The following WARS2 variants were observed in gnomAD, a reference collection of about 807,000 sequenced individuals.
WARS2 encodes the protein tryptophan--tRNA ligase, mitochondrial.
In WARS2, 28 loss-of-function variants were observed where a neutral mutation model predicts 36.5. The ratio of observed to expected loss-of-function variants is 0.77; its 90% CI spans 0.57 to 1.05. The LOEUF is 1.05. Among genes scored for constraint, WARS2 ranks in the 50% least tolerant of loss-of-function variants. WARS2 has a pLI of 0.00. For synonymous variants in WARS2, 174 were observed against 178.4 expected (o/e 0.98, Z 0.20); for missense variants, 435 against 456.8 (o/e 0.95, Z 0.44).
At chr1:119,066,772 G>T (rs534101713) in intron 2 of WARS2, among the ~76,000 whole-genome samples, 2 of 152,272 alleles carry the variant, frequency 1.3e-5, no homozygotes, top group African/African-American at 4.8e-5. Flanking sequence ...TTGCCGAGGA[G>T]AGTTCCTGTT....
intron 1 of WARS2, 29 bp from the exon 2 acceptor site, chr1:119,076,636 C>T (rs1164140611): frequency 6.2e-7 from 1 of 1,611,772 alleles, no homozygotes; most frequent in South Asian, 1.1e-5. Context: ...AGCATATTTG[C>T]TTTTGAGGCA....
chr1:119,113,149 G>T (rs1654754462), intron 1 of WARS2, among the ~76,000 whole-genome samples: 1 of 152,164 alleles, frequency 6.6e-6, no homozygotes, highest in Non-Finnish European at 1.5e-5. Flanking sequence ...TGGATTTGAA[G>T]CCATTCAAAA....
chr1:119,038,486 C>G (rs976070399), intron 4 of WARS2, among the ~76,000 whole-genome samples: 1 of 152,102 alleles, frequency 6.6e-6, no homozygotes, highest in African/African-American at 2.4e-5. Flanking sequence ...TTCAATGGTC[C>G]TCAATGGCAG....
At chr1:119,089,104 G>C (rs1411813462) in intron 1 of WARS2, among the ~76,000 whole-genome samples, 1 of 152,194 alleles carries the variant, frequency 6.6e-6, no homozygotes, top group African/African-American at 2.4e-5. Flanking sequence ...ACCTTTGAGA[G>C]ACAGTGTGAA....
rs138705769 is a variant in WARS2, at chr1:119,085,148, T to A, written c.91-8541A>T. ...CGTTGTACGGGCTAGAAAGTGTGCC[T>A]GAGCTCCGCCCTCTGTCCTTATCCC... On this transcript the variant is annotated intron_variant, in intron 1 of 5. Coordinates refer to ENST00000235521, the MANE Select transcript of WARS2 (RefSeq NM_015836.4). 4.4e-4 allele frequency: 344 copies of A among 790,250 alleles called. No homozygotes were observed. In the African/African-American group the frequency reaches 5.2e-3, roughly 12 times the overall value. 49.0% of individuals were successfully genotyped at this position (790,250 alleles called of 1,614,324 possible). A position where few individuals can be genotyped will look rare whatever the true frequency, so the allele number is the denominator to read the frequency against.
chr1:119,078,504 C>T (rs1446437217), intron 1 of WARS2, among the ~76,000 whole-genome samples: 2 of 152,100 alleles, frequency 1.3e-5, no homozygotes, highest in Admixed American at 6.5e-5. Flanking sequence ...TTGGTATTAG[C>T]AGTCTTTTTA....
chr1:119,090,523 T>C (rs889297454), intron 1 of WARS2, among the ~76,000 whole-genome samples: 2 of 152,202 alleles, frequency 1.3e-5, no homozygotes, highest in African/African-American at 2.4e-5. Context: ...TTTTTGACTT[T>C]TTGTATTGTT....
intron 2 of WARS2, among the ~76,000 whole-genome samples, chr1:119,050,645 T>G (rs17023171): frequency 0.29 from 44,753 of 151,896 alleles, 7,244 homozygotes; most frequent in African/African-American, 0.43. Context: ...TGAGGTAGAT[T>G]TAAATGAATA....
intron 1 of WARS2, among the ~76,000 whole-genome samples, chr1:119,092,046 G>A (rs183181425): frequency 2.0e-5 from 3 of 152,150 alleles, no homozygotes; most frequent in African/African-American, 7.2e-5. Flanking sequence ...AGAATTCCCC[G>A]TGGTTAGAGC....
intron 2 of WARS2, among the ~76,000 whole-genome samples, chr1:119,075,593 A>G (rs1387485561): frequency 6.6e-6 from 1 of 152,226 alleles, no homozygotes; most frequent in Non-Finnish European, 1.5e-5. Context: ...GCATGTTAAC[A>G]TGTACCATAG....
At chr1:119,091,401 G>A (rs1040419048) in intron 1 of WARS2, among the ~76,000 whole-genome samples, 1 of 152,182 alleles carries the variant, frequency 6.6e-6, no homozygotes, top group Non-Finnish European at 1.5e-5. Context: ...TCCATACCTA[G>A]TAAATAGTGG....
rs1652281519 is a variant in WARS2, at chr1:119,082,577, T to C, written c.91-5970A>G. On this transcript the variant is annotated intron_variant, in intron 1 of 5. Coordinates refer to ENST00000235521, the MANE Select transcript of WARS2 (RefSeq NM_015836.4). ...TCTTGCCACTGGACTCCAAATTCTA[T>C]ATTCCTTCCATCACACTGAACTGAA... 3 of 387,202 alleles carry C rather than the reference T, an allele frequency of 7.7e-6. No individual in the cohort carries two copies. The Admixed American group carries it at 1.9e-4, about 25-fold the overall frequency. 24.0% of individuals were successfully genotyped at this position (387,202 alleles called of 1,614,324 possible).
At chr1:119,138,703 C>A (rs1040878003) in intron 1 of WARS2, among the ~76,000 whole-genome samples, 2 of 152,058 alleles carry the variant, frequency 1.3e-5, no homozygotes, top group African/African-American at 4.8e-5. Context: ...ATTAATCTTT[C>A]AAACCATCAT....
At chr1:119,130,721 G>A (rs10923755) in intron 1 of WARS2, among the ~76,000 whole-genome samples, 59,879 of 151,888 alleles carry the variant, frequency 0.39, 12,199 homozygotes, top group African/African-American at 0.45. Flanking sequence ...TTTTTTCACT[G>A]AATTCATTCA....
At chr1:119,127,885 G>C (rs587729253) in intron 1 of WARS2, among the ~76,000 whole-genome samples, 73 of 152,050 alleles carry the variant, frequency 4.8e-4, no homozygotes, top group Non-Finnish European at 7.5e-4. Flanking sequence ...AGAAAATTTT[G>C]GTAAGGCCAT....
rs587756755 is a variant in WARS2, at chr1:119,138,339, A to G, written c.90+2216T>C. On this transcript the variant is annotated intron_variant, in intron 1 of 5. Coordinates refer to ENST00000235521, the MANE Select transcript of WARS2 (RefSeq NM_015836.4). Reference sequence around the variant, plus strand: ...GTAGTCCTTTTCTAAGGCCATTTTAATAACAGCATTGTGGGACAAGTATCT... The same window carrying G: ...GTAGTCCTTTTCTAAGGCCATTTTAGTAACAGCATTGTGGGACAAGTATCT... Among the ~76,000 whole-genome samples the G allele has an allele frequency of 1.0e-3, 158 of 152,292 alleles. 1 individual carries two copies. The highest frequency in any genetic ancestry group is 1.9e-3 in the Non-Finnish European group (131 of 67,972).
At chr1:119,125,808 G>A (rs926862647) in intron 1 of WARS2, among the ~76,000 whole-genome samples, 4 of 152,190 alleles carry the variant, frequency 2.6e-5, no homozygotes, top group Non-Finnish European at 5.9e-5. Flanking sequence ...TGTTCTCCAA[G>A]AGAGTTCAAT....
chr1:119,130,903 A>T (rs1020475719), intron 1 of WARS2, among the ~76,000 whole-genome samples: 8 of 152,282 alleles, frequency 5.3e-5, no homozygotes, highest in African/African-American at 1.9e-4. Flanking sequence ...CTAGAAACAT[A>T]CTGCCTGGTG....
At chr1:119,123,814 T>C (rs1312567686) in intron 1 of WARS2, among the ~76,000 whole-genome samples, 1 of 151,428 alleles carries the variant, frequency 6.6e-6, no homozygotes, top group South Asian at 2.1e-4. Flanking sequence ...CTCTCCTCTC[T>C]TCTCTTCTTT....
Sources: gnomAD v4.1 joint callset for allele counts (sites outside exome capture counted in the v4.1 genomes callset) on GRCh38, gnomAD v4.1.1 for gene constraint, MANE v1.5 for transcripts, NCBI Gene and HGNC (gene_info 2026-07-23, HGNC 2026-07-21) for gene names.